The following MYO18B variants were observed in gnomAD, a reference collection of about 807,000 sequenced individuals.
MYO18B encodes unconventional myosin-XVIIIb.
A neutral mutation model predicts 273.0 loss-of-function variants in MYO18B; 204 were observed. That is an observed-to-expected ratio of 0.75 (90% confidence interval 0.67 to 0.84). The LOEUF (loss-of-function observed/expected upper bound fraction) is 0.84. MYO18B is among the 40% of genes least tolerant of loss of function. MYO18B has a pLI of 0.00. For synonymous variants in MYO18B, 1,330 were observed against 1,305.7 expected (o/e 1.02, Z -0.40); for missense variants, 3,212 against 3,287.6 (o/e 0.98, Z 0.56).
intron 40 of MYO18B, among the ~76,000 whole-genome samples, chr22:25,997,926 G>A (rs1242618700): frequency 1.8e-5 from 2 of 113,402 alleles, no homozygotes; most frequent in Non-Finnish European, 3.7e-5. Context: ...GCCAACCCAG[G>A]AGAGAAACAC....
chr22:26,038,691 A>C, the MYO18B span, among the ~76,000 whole-genome samples: 1 of 152,100 alleles, frequency 6.6e-6, no homozygotes, highest in South Asian at 2.1e-4. Flanking sequence ...ACACCACGAA[A>C]TTTTCCTATG....
At chr22:25,794,697 G>A (rs2087830579) in intron 11 of MYO18B, among the ~76,000 whole-genome samples, 1 of 150,410 alleles carries the variant, frequency 6.6e-6, no homozygotes, top group African/African-American at 2.5e-5. Context: ...GTAGAGATGG[G>A]GTTTCACCGT....
intron 12 of MYO18B, among the ~76,000 whole-genome samples, chr22:25,817,664 G>C (rs115365497): frequency 6.6e-6 from 1 of 152,100 alleles, no homozygotes; most frequent in Non-Finnish European, 1.5e-5. Flanking sequence ...CATTAGATCC[G>C]CAAGAGATTC....
Position 25,883,887 on chromosome 22 carries a change from C to A in MYO18B, c.4314+5839C>A, listed in dbSNP as rs1018127182. On this transcript the variant is annotated intron_variant, in intron 25 of 43. Transcript: ENST00000335473. The surrounding 1 kb of genome is among the most constrained non-coding windows in gnomAD (Gnocchi z 7.6). Reference sequence around the variant, plus strand: ...AATCTGGCTATAAATACTCTTCAAGCATGCAAAATGTGCCTTGATGCAAAC... The same window carrying A: ...AATCTGGCTATAAATACTCTTCAAGAATGCAAAATGTGCCTTGATGCAAAC... Among the ~76,000 whole-genome samples, 2 of 152,196 alleles carry A rather than the reference C, an allele frequency of 1.3e-5. No homozygotes were observed. The highest frequency in any genetic ancestry group is 2.9e-5 in the Non-Finnish European group (2 of 68,042).
chr22:25,934,552 G>A (rs542002064), intron 34 of MYO18B, among the ~76,000 whole-genome samples: 23 of 152,230 alleles, frequency 1.5e-4, no homozygotes, highest in Non-Finnish European at 3.1e-4. Flanking sequence ...AAGTCCTGAC[G>A]AAGTGCCCAA....
intron 39 of MYO18B, among the ~76,000 whole-genome samples, chr22:25,969,926 A>T (rs2093018421): frequency 6.6e-6 from 1 of 152,174 alleles, no homozygotes; most frequent in South Asian, 2.1e-4. Context: ...CATCATCATC[A>T]TAATAACCAT....
chr22:25,894,486 G>A (rs1004963230), intron 27 of MYO18B, among the ~76,000 whole-genome samples: 3 of 152,172 alleles, frequency 2.0e-5, no homozygotes, highest in Admixed American at 6.5e-5. Flanking sequence ...ATTCTAATCA[G>A]TCAAACAGTT....
rs181469913 is a variant in MYO18B at position 26,004,589 on chromosome 22, G to C, written c.6333-129G>C. 38 of 1,107,372 alleles carry C rather than the reference G, an allele frequency of 3.4e-5. No individual in the cohort carries two copies. In the Admixed American group the frequency reaches 8.1e-4, roughly 24 times the overall value. 68.6% of individuals were successfully genotyped at this position (1,107,372 alleles called of 1,614,324 possible). A position where few individuals can be genotyped will look rare whatever the true frequency, so the allele number is the denominator to read the frequency against. ...GACAGCACTGGCTCCTACCTCTCTG[G>C]GATGGCGAGTGAGGTTATGCAGGTA... On this transcript the variant is annotated intron_variant, in intron 41 of 43. Transcript: ENST00000335473.
intron 19 of MYO18B, 94 bp downstream of exon 19, chr22:25,846,377 C>G (rs940052542): frequency 5.7e-6 from 8 of 1,402,866 alleles, no homozygotes; most frequent in Non-Finnish European, 6.8e-6. Flanking sequence ...CATCTCTAAC[C>G]TCCCCAGCAA....
chr22:25,935,218 G>A (rs1034461), intron 34 of MYO18B, among the ~76,000 whole-genome samples: 46,674 of 152,074 alleles, frequency 0.31, 7,465 homozygotes, highest in African/African-American at 0.36. Flanking sequence ...GTGCCGCTTT[G>A]CCTTTGGAGC....
intron 21 of MYO18B, among the ~76,000 whole-genome samples, chr22:25,864,155 CAG>C (rs201388124): frequency 2.0e-5 from 3 of 151,920 alleles, no homozygotes; most frequent in African/African-American, 7.2e-5. Context: ...AGAACTACTG[CAG>C]AGAGAGAGAG....
At chr22:26,028,117 CGCCTG>C (rs1936401985) in intron 43 of MYO18B, among the ~76,000 whole-genome samples, 1 of 151,872 alleles carries the variant, frequency 6.6e-6, no homozygotes, top group Non-Finnish European at 1.5e-5. Flanking sequence ...TCTTGACGGG[CGCCTG>C]TAATCCCAGC....
intron 1 of MYO18B, among the ~76,000 whole-genome samples, chr22:25,759,088 G>C (rs1417654346): frequency 6.6e-6 from 1 of 152,052 alleles, no homozygotes; most frequent in African/African-American, 2.4e-5. Context: ...AGATTGTGGT[G>C]ACAATTGCAC....
chr22:26,027,824 C>T lies in MYO18B; in HGVS notation c.*12+134C>T, dbSNP rs958397923. On this transcript the variant is annotated intron_variant, in intron 43 of 43. Coordinates refer to ENST00000335473, the MANE Select transcript of MYO18B (RefSeq NM_032608.7). This position sits in a 1 kb window ranked among gnomAD's most constrained non-coding sequence, Gnocchi z 4.1. ...AGACCAAGATTTTTAGAGGTTTTAG[C>T]TGAAGTCATGTGTTGATGGATGCAA... 4 of 984,318 alleles carry T rather than the reference C, an allele frequency of 4.1e-6. No individual in the cohort carries two copies. The African/African-American group carries it at 6.6e-5, about 16-fold the overall frequency. The allele number at this position is 984,318 out of a possible 1,614,324, so 61.0% of individuals were successfully genotyped here.
chr22:25,783,726 CTGGTGGCATCCTTATTGAG>C (rs1310441998), intron 10 of MYO18B, among the ~76,000 whole-genome samples: 2 of 152,232 alleles, frequency 1.3e-5, no homozygotes, highest in African/African-American at 4.8e-5. Flanking sequence ...GCCCTCCATG[CTGGTGGCATCCTTATTGAG>C]TTTGGCATCC....
chr22:25,745,472 G>GACACACACACACACACACACAC (rs3068433), intron 1 of MYO18B, among the ~76,000 whole-genome samples: 4 of 146,118 alleles, frequency 2.7e-5, no homozygotes, highest in African/African-American at 1.0e-4. Context: ...CTCTCTCTCT[G>GACACACACACACACACACACAC]ACACACACAC....
intron 39 of MYO18B, among the ~76,000 whole-genome samples, chr22:25,976,062 A>T (rs980846944): frequency 2.6e-5 from 4 of 152,128 alleles, no homozygotes; most frequent in Non-Finnish European, 5.9e-5. Flanking sequence ...CCCCCCAGGG[A>T]ACATTAGGAA....
At chr22:25,911,559 T>TC (rs1314507646) in intron 33 of MYO18B, among the ~76,000 whole-genome samples, 1 of 152,172 alleles carries the variant, frequency 6.6e-6, no homozygotes, top group East Asian at 1.9e-4. Context: ...TTCTCGACTG[T>TC]CCATCAGTGT....
At chr22:25,876,155 A>G in intron 23 of MYO18B, 34 bp from the exon 24 acceptor site, 1 of 1,592,404 alleles carries the variant, frequency 6.3e-7, no homozygotes, top group Non-Finnish European at 8.6e-7. Flanking sequence ...TGGGTTGGAA[A>G]GGACCCTCCA....
Sources: gnomAD v4.1 joint callset for allele counts (sites outside exome capture counted in the v4.1 genomes callset) on GRCh38, gnomAD v4.1.1 for gene constraint, Gnocchi (gnomAD v3.1) non-coding constraint, MANE v1.5 for transcripts, NCBI Gene and HGNC (gene_info 2026-07-23, HGNC 2026-07-21) for gene names.